Variants in CFAP92 observed in about 807,000 individuals in gnomAD.
CFAP92 encodes the protein cilia and flagella associated protein 92 (putative).
Under a neutral mutation model 106.3 loss-of-function variants are expected in CFAP92, and 86 were observed. That is an observed-to-expected ratio of 0.81 (90% CI 0.68 to 0.97). The LOEUF is 0.97. Among genes scored for constraint, CFAP92 ranks in the 50% least tolerant of loss-of-function variants. CFAP92 has a pLI of 0.00. For missense variants in CFAP92, 1,204 were observed against 1,283.8 expected (o/e 0.94, Z 0.95); for synonymous variants, 477 against 506.4 (o/e 0.94, Z 0.78).
At chr3:129,003,386 G>C (rs993428722), upstream of CFAP92, 4 of 698,652 alleles carry the variant, frequency 5.7e-6, no homozygotes, top group Non-Finnish European at 7.0e-6. Context: ...CCTCTAGTGA[G>C]CAGGCACGGG....
intron 10 of CFAP92, among the ~76,000 whole-genome samples, chr3:128,942,348 A>G (rs1939717074): frequency 6.6e-6 from 1 of 152,222 alleles, no homozygotes; most frequent in African/African-American, 2.4e-5. Context: ...GCGGCATGCA[A>G]GCACACTGCA....
chr3:129,012,844 C>T, the CFAP92 span, among the ~76,000 whole-genome samples: 7 of 152,224 alleles, frequency 4.6e-5, no homozygotes, highest in Admixed American at 2.0e-4. Context: ...TACAGCTCAG[C>T]ACCAGGCACA....
chr3:128,941,590 C>T (rs1157616263), intron 10 of CFAP92, among the ~76,000 whole-genome samples: 1 of 152,122 alleles, frequency 6.6e-6, no homozygotes, highest in Non-Finnish European at 1.5e-5. Flanking sequence ...GATTCTCCTG[C>T]CTCAGCCTCC....
intron 9 of CFAP92, among the ~76,000 whole-genome samples, chr3:128,948,574 G>A (rs1472807589): frequency 2.8e-5 from 4 of 142,946 alleles, no homozygotes; most frequent in Non-Finnish European, 6.0e-5. Context: ...CCATTGCCCA[G>A]GCTAGAGTAC....
the CFAP92 span, among the ~76,000 whole-genome samples, chr3:129,014,601 A>C: frequency 6.6e-6 from 1 of 152,318 alleles, no homozygotes; most frequent in Admixed American, 6.5e-5. The surrounding 1 kb of genome is among the most constrained non-coding windows in gnomAD (Gnocchi z 4.3). Context: ...AGATCACATT[A>C]TGAGGAGCTC....
chr3:129,019,700 C>T, the CFAP92 span, among the ~76,000 whole-genome samples: 2 of 150,656 alleles, frequency 1.3e-5, no homozygotes, highest in Non-Finnish European at 2.9e-5. Flanking sequence ...CTACTGAGCA[C>T]TTGATGTAGC....
Position 128,988,909 on chromosome 3 carries a change from C to T in CFAP92, c.272G>A (p.Gly91Glu), listed in dbSNP as rs373049779. 4 of 1,611,764 alleles carry T rather than the reference C, an allele frequency of 2.5e-6. No homozygotes were observed. The highest frequency in any genetic ancestry group is 2.5e-6 in the Non-Finnish European group (3 of 1,178,540). ...LAFPVNMGQKGKYASLIEKYK... is the reference protein window; with the variant it reads ...LAFPVNMGQKEKYASLIEKYK... ...TTTTTCAATCAAACTTGCATATTTT[C>T]CCTTCTGACCTTGAAGATACAGATT... Residue 91 changes from glycine (G) to glutamate (E), a missense_variant, in exon 3 of 16, where the codon GGA (glycine) becomes GAA (glutamate). Coordinates refer to ENST00000645291, the MANE Select transcript of CFAP92 (RefSeq NM_001394090.1).
chr3:128,984,019 A>T (rs2107806014), intron 4 of CFAP92, among the ~76,000 whole-genome samples: 1 of 152,292 alleles, frequency 6.6e-6, no homozygotes, highest in Middle Eastern at 3.4e-3. Flanking sequence ...GGGAAAAGAC[A>T]GCTGGGCAGA....
the CFAP92 span, among the ~76,000 whole-genome samples, chr3:129,015,503 T>G: frequency 6.6e-6 from 1 of 152,028 alleles, no homozygotes; most frequent in Admixed American, 6.6e-5. Context: ...TACTTCATCC[T>G]TCGGTGAATT....
chr3:128,986,735 A>G (rs1190611453), intron 4 of CFAP92, among the ~76,000 whole-genome samples: 1 of 152,142 alleles, frequency 6.6e-6, no homozygotes, highest in Admixed American at 6.6e-5. Context: ...CAGATGAGAA[A>G]CGTATGTTCA....
At chr3:128,975,493 G>A (rs940664797) in intron 7 of CFAP92, among the ~76,000 whole-genome samples, 1 of 151,754 alleles carries the variant, frequency 6.6e-6, no homozygotes. Flanking sequence ...TGGGTGGGTG[G>A]ACAGATGAAT....
chr3:129,017,640 C>T, the CFAP92 span, among the ~76,000 whole-genome samples: 2 of 152,338 alleles, frequency 1.3e-5, no homozygotes, highest in Admixed American at 1.3e-4. Flanking sequence ...AACGACCTGC[C>T]CCATGTCCTT....
chr3:129,002,174 C>G, intron 1 of CFAP92: 1 of 1,479,046 alleles, frequency 6.8e-7, no homozygotes, highest in South Asian at 1.3e-5. Flanking sequence ...CGCGCCGCCG[C>G]CGCCGCCCGC....
chr3:129,003,986 C>G, upstream of CFAP92: 1 of 1,497,842 alleles, frequency 6.7e-7, no homozygotes, highest in Non-Finnish European at 8.8e-7. Flanking sequence ...GCGCAGCCTG[C>G]ACCGCGTGCG....
At chr3:128,971,928 C>T (rs1429123159) in intron 7 of CFAP92, among the ~76,000 whole-genome samples, 1 of 152,206 alleles carries the variant, frequency 6.6e-6, no homozygotes, top group Non-Finnish European at 1.5e-5. Context: ...ACACTCAGCT[C>T]AGTGCCAAGC....
At position 128,910,160 on chromosome 3, in the gene CFAP92, C is replaced by T. The variant is rs1041091555; in HGVS notation, c.*139G>A. On this transcript the variant is annotated 3_prime_UTR_variant, in exon 16 of 16. Transcript: ENST00000645291. ...AACCACGACCACGAGGTGAGCCCAG[C>T]CCAGCCTCACACAGGGCCTGGCTGC... The T allele has an allele frequency of 6.2e-7, 1 of 1,613,982 alleles. No homozygotes were observed. The highest frequency in any genetic ancestry group is 8.5e-7 in the Non-Finnish European group (1 of 1,180,054).
chr3:128,950,629 AAAC>A (rs1441781983), intron 9 of CFAP92, among the ~76,000 whole-genome samples: 1 of 152,224 alleles, frequency 6.6e-6, no homozygotes, highest in African/African-American at 2.4e-5. Context: ...GAGACAAAGC[AAAC>A]AACAAAGGGG....
At chr3:129,000,365 G>C (rs190133532) in intron 1 of CFAP92, among the ~76,000 whole-genome samples, 16 of 152,304 alleles carry the variant, frequency 1.1e-4, no homozygotes, top group African/African-American at 3.6e-4. Flanking sequence ...TGGACAACGT[G>C]CTGATTCTGG....
the CFAP92 span, among the ~76,000 whole-genome samples, chr3:129,008,337 C>T: frequency 6.6e-6 from 1 of 152,212 alleles, no homozygotes. Flanking sequence ...CCTCCATGGG[C>T]GTTTCAGCTC....
Sources: allele counts gnomAD v4.1 joint callset (sites outside exome capture counted in the v4.1 genomes callset), GRCh38; gene constraint gnomAD v4.1.1; non-coding constraint Gnocchi (gnomAD v3.1); transcripts MANE v1.5; gene names NCBI Gene and HGNC (gene_info 2026-07-23, HGNC 2026-07-21).